Variants in CTTNBP2 observed in about 807,000 individuals in gnomAD.
CTTNBP2 encodes cortactin-binding protein 2.
A neutral mutation model predicts 156.9 loss-of-function variants in CTTNBP2; 108 were observed. That is an observed-to-expected ratio of 0.69 (90% CI 0.59 to 0.81). The LOEUF (loss-of-function observed/expected upper bound fraction) is 0.81, where lower values mean the gene tolerates loss of function less well. CTTNBP2 is among the 30% of genes least tolerant of loss of function. The pLI is 0.00. For missense variants in CTTNBP2, 1,924 were observed against 2,035.4 expected (o/e 0.95, Z 1.05); for synonymous variants, 767 against 751.8 (o/e 1.02, Z -0.33).
At chr7:117,737,106 T>A (rs1406366776) in intron 14 of CTTNBP2, among the ~76,000 whole-genome samples, 2 of 152,180 alleles carry the variant, frequency 1.3e-5, no homozygotes, top group Admixed American at 6.6e-5. Flanking sequence ...TCAATCTAGT[T>A]GTACTTGTGG....
chr7:117,718,760 G>A (rs186938976), intron 21 of CTTNBP2, among the ~76,000 whole-genome samples: 31 of 152,274 alleles, frequency 2.0e-4, no homozygotes, highest in African/African-American at 5.5e-4. Context: ...TTTCTCATTT[G>A]CAAAGAAAGT....
At position 117,767,192 on chromosome 7, in the gene CTTNBP2, C is replaced by A; in HGVS notation, c.2779-16G>T. 4 of 1,338,774 alleles carry A rather than the reference C, an allele frequency of 3.0e-6. No homozygotes were observed. Among genetic ancestry groups the A allele is most frequent in the Non-Finnish European group, 4.3e-6 (4 of 928,516 alleles). The allele number at this position is 1,338,774 out of a possible 1,614,324, so 82.9% of individuals were successfully genotyped here. Reference sequence around the variant, plus strand: ...CTAGGCAGTTCTATAAAGACAAGAGCTCTATTACCTCCAAGTCCAAATGAA... The same window carrying A: ...CTAGGCAGTTCTATAAAGACAAGAGATCTATTACCTCCAAGTCCAAATGAA... On this transcript the variant is annotated splice_polypyrimidine_tract_variant and intron_variant, in intron 8 of 22. Coordinates refer to ENST00000160373, the MANE Select transcript of CTTNBP2 (RefSeq NM_033427.3).
Position 117,791,984 on chromosome 7 carries a change from G to A in CTTNBP2, c.1212C>T (p.Asn404=), listed in dbSNP as rs555089817. Reference sequence around the variant, plus strand: ...GTGTTTGAGCGGTGGGAGGGGCAGCGTTACTGGGAAGTGGGGGTGTGCTAC... The same window carrying A: ...GTGTTTGAGCGGTGGGAGGGGCAGCATTACTGGGAAGTGGGGGTGTGCTAC... ...PTSSTPPLPS[N]AAPPTAQTPG... The change falls in exon 4 of 23, where the codon AAC becomes AAT. Residue 404 remains asparagine, a synonymous_variant. Transcript: ENST00000160373. The A allele has an allele frequency of 1.1e-5, 17 of 1,614,088 alleles. No homozygotes were observed. The highest frequency in any genetic ancestry group is 8.0e-5 in the African/African-American group (6 of 75,006).
intron 7 of CTTNBP2, among the ~76,000 whole-genome samples, chr7:117,778,526 C>T (rs1341055638): frequency 6.6e-6 from 1 of 152,192 alleles, no homozygotes; most frequent in South Asian, 2.1e-4. Flanking sequence ...AGACCAGCAG[C>T]ATCAGTATCA....
intron 22 of CTTNBP2, chr7:117,712,248 C>T (rs1310575825): frequency 6.5e-6 from 1 of 153,286 alleles, no homozygotes; most frequent in African/African-American, 2.4e-5. Flanking sequence ...AGAAACATTC[C>T]TTCCCTAGCA....
intron 3 of CTTNBP2, 105 bp downstream of exon 3, chr7:117,810,647 TAAGTACTTATTGC>T (rs1280752870): frequency 2.5e-6 from 2 of 798,626 alleles, no homozygotes; most frequent in Non-Finnish European, 4.2e-6. Flanking sequence ...CTTGCACTTC[TAAGTACTTATTGC>T]AATCCTGTCT....
At chr7:117,865,582 TG>T (rs1804120946) in intron 1 of CTTNBP2, among the ~76,000 whole-genome samples, 1 of 138,710 alleles carries the variant, frequency 7.2e-6, no homozygotes, top group Non-Finnish European at 1.5e-5. Context: ...AGGCTGTAGG[TG>T]GGAGAATTGC....
chr7:117,755,279 C>T (rs900069627), intron 12 of CTTNBP2: 9 of 226,872 alleles, frequency 4.0e-5, no homozygotes, highest in Non-Finnish European at 7.9e-5. Flanking sequence ...AACTGTGAGC[C>T]TGGCTAGATG....
chr7:117,730,221 C>G (rs1465643921), intron 16 of CTTNBP2, among the ~76,000 whole-genome samples: 1 of 152,142 alleles, frequency 6.6e-6, no homozygotes, highest in African/African-American at 2.4e-5. Flanking sequence ...TCTCAGCAAA[C>G]CCTTCTTCCT....
chr7:117,789,385 A>G (rs1798872107), intron 4 of CTTNBP2, among the ~76,000 whole-genome samples: 1 of 152,126 alleles, frequency 6.6e-6, no homozygotes, highest in Non-Finnish European at 1.5e-5. Context: ...TTTACAGTCT[A>G]TGCATTTATG....
intron 16 of CTTNBP2, among the ~76,000 whole-genome samples, chr7:117,732,518 C>T (rs772750865): frequency 2.0e-5 from 3 of 151,704 alleles, no homozygotes; most frequent in Admixed American, 1.3e-4. Flanking sequence ...GGCGTGGTGG[C>T]GGGCGCCTGT....
At chr7:117,808,053 C>T (rs913248837) in intron 3 of CTTNBP2, among the ~76,000 whole-genome samples, 7 of 152,162 alleles carry the variant, frequency 4.6e-5, no homozygotes, top group South Asian at 2.1e-4. Flanking sequence ...CTAATACACA[C>T]AGTTATTTTT....
At chr7:117,752,836 A>C (rs993341114) in intron 12 of CTTNBP2, among the ~76,000 whole-genome samples, 3 of 152,212 alleles carry the variant, frequency 2.0e-5, no homozygotes, top group African/African-American at 7.2e-5. Flanking sequence ...TACCTGTAAA[A>C]TCTAACTTGT....
At chr7:117,834,813 T>G (rs1157412482) in intron 2 of CTTNBP2, among the ~76,000 whole-genome samples, 1 of 152,260 alleles carries the variant, frequency 6.6e-6, no homozygotes, top group Non-Finnish European at 1.5e-5. Context: ...TTTATTCTAT[T>G]TTGTTTAAAC....
At chr7:117,819,929 A>G (rs2117019906) in intron 2 of CTTNBP2, among the ~76,000 whole-genome samples, 1 of 152,312 alleles carries the variant, frequency 6.6e-6, no homozygotes, top group African/African-American at 2.4e-5. Flanking sequence ...TAAACCACCA[A>G]TTTTCTCTCA....
intron 14 of CTTNBP2, 86 bp downstream of exon 14, chr7:117,745,744 CA>C: frequency 1.2e-6 from 1 of 865,986 alleles, no homozygotes; most frequent in Non-Finnish European, 1.9e-6. Flanking sequence ...AATGTATCCC[CA>C]AGCAACACAG....
intron 11 of CTTNBP2, among the ~76,000 whole-genome samples, chr7:117,757,436 G>A (rs565192437): frequency 3.4e-5 from 5 of 147,996 alleles, no homozygotes; most frequent in African/African-American, 1.2e-4. Flanking sequence ...CTTATAGTAT[G>A]CTATAAACAA....
At chr7:117,849,366 G>A (rs1337329825) in intron 2 of CTTNBP2, among the ~76,000 whole-genome samples, 2 of 152,222 alleles carry the variant, frequency 1.3e-5, no homozygotes, top group African/African-American at 4.8e-5. Context: ...TTCTGAGTTA[G>A]TTGATCTAGG....
Position 117,846,978 on chromosome 7 carries a change from C to T in CTTNBP2, c.189+14231G>A, listed in dbSNP as rs141714020. ...AGGAGTTACACTTGGTTAGTTACAA[C>T]GTAAAGACAAATTGACTTAGAGACA... is the stretch of plus-strand genomic sequence containing the variant. On this transcript the variant is annotated intron_variant, in intron 2 of 22. Coordinates refer to ENST00000160373, the MANE Select transcript of CTTNBP2 (RefSeq NM_033427.3). Among the ~76,000 whole-genome samples the T allele has an allele frequency of 6.5e-3, 987 of 152,056 alleles. 7 individuals carry two copies. The highest frequency in any genetic ancestry group is 0.022 in the African/African-American group (924 of 41,464).
Sources: gnomAD v4.1 joint callset for allele counts (sites outside exome capture counted in the v4.1 genomes callset) on GRCh38, gnomAD v4.1.1 for gene constraint, MANE v1.5 for transcripts, NCBI Gene and HGNC (gene_info 2026-07-23, HGNC 2026-07-21) for gene names.